The following PRIM2 variants were observed in gnomAD, a reference collection of about 807,000 sequenced individuals.
PRIM2 encodes the protein DNA primase subunit 2.
A neutral mutation model predicts 67.3 loss-of-function variants in PRIM2; 39 were observed. That is an observed-to-expected ratio of 0.58 (90% CI 0.45 to 0.76). PRIM2 has a LOEUF of 0.76. Among genes scored for constraint, PRIM2 ranks in the 30% least tolerant of loss-of-function variants. The probability of loss-of-function intolerance (pLI) is 0.00; values close to 1 mark genes in which losing one functional copy is unlikely to be tolerated. For missense variants in PRIM2, 398 were observed against 598.7 expected, an observed-to-expected ratio of 0.66 and a Z score of 3.50; for synonymous variants, 143 against 198.7, an observed-to-expected ratio of 0.72 and a Z score of 2.36.
At chr6:57,569,351 T>C (rs1775817884) in intron 10 of PRIM2, among the ~76,000 whole-genome samples, 2 of 152,204 alleles carry the variant, frequency 1.3e-5, no homozygotes, top group African/African-American at 4.8e-5. Flanking sequence ...TGAAAGGAAG[T>C]AAATGAGCCC....
chr6:57,490,096 C>T (rs1773854601), intron 7 of PRIM2, among the ~76,000 whole-genome samples: 1 of 152,074 alleles, frequency 6.6e-6, no homozygotes, highest in Non-Finnish European at 1.5e-5. Context: ...AGGTACAAGC[C>T]AACCAGCTGC....
At chr6:57,303,153 T>C in the PRIM2 span, among the ~76,000 whole-genome samples, 1 of 152,296 alleles carries the variant, frequency 6.6e-6, no homozygotes, top group South Asian at 2.1e-4. Context: ...AAAAGCCAAA[T>C]ACATTTACAT....
chr6:57,226,935 C>G, the PRIM2 span, among the ~76,000 whole-genome samples: 6 of 152,110 alleles, frequency 3.9e-5, no homozygotes, highest in African/African-American at 7.2e-5. Context: ...CAGTGTGAGT[C>G]GGGGAATAAT....
chr6:57,350,023 T>C (rs1768810555), intron 5 of PRIM2, among the ~76,000 whole-genome samples: 1 of 152,192 alleles, frequency 6.6e-6, no homozygotes, highest in East Asian at 1.9e-4. Flanking sequence ...CTTGGACCCC[T>C]TCATATACAG....
At chr6:57,483,983 G>A (rs1773687346) in intron 7 of PRIM2, among the ~76,000 whole-genome samples, 2 of 152,136 alleles carry the variant, frequency 1.3e-5, no homozygotes, top group African/African-American at 4.8e-5. Context: ...CCTGAGTTTG[G>A]TCCTAAAATG....
At chr6:57,581,110 C>A (rs2127485028) in intron 10 of PRIM2, among the ~76,000 whole-genome samples, 1 of 152,218 alleles carries the variant, frequency 6.6e-6, no homozygotes, top group East Asian at 1.9e-4. Flanking sequence ...GAAAAGGCAG[C>A]TTCTCTCTAG....
chr6:57,302,572 A>G, the PRIM2 span, among the ~76,000 whole-genome samples: 1 of 152,244 alleles, frequency 6.6e-6, no homozygotes, highest in Non-Finnish European at 1.5e-5. Context: ...TCTCAAAGGC[A>G]TAACTACTAA....
intron 7 of PRIM2, among the ~76,000 whole-genome samples, chr6:57,422,926 G>T (rs2127373125): frequency 6.6e-6 from 1 of 152,256 alleles, no homozygotes; most frequent in African/African-American, 2.4e-5. Flanking sequence ...TTAAATAATG[G>T]AGGTAAAAGA....
chr6:57,369,170 A>T (rs1769464609), intron 5 of PRIM2, among the ~76,000 whole-genome samples: 2 of 152,142 alleles, frequency 1.3e-5, no homozygotes, highest in South Asian at 4.1e-4. Flanking sequence ...ACAGACATCC[A>T]CTACCCTTCT....
intron 7 of PRIM2, among the ~76,000 whole-genome samples, chr6:57,460,994 CTCTCA>C (rs1200589002): frequency 6.6e-6 from 1 of 152,190 alleles, no homozygotes; most frequent in African/African-American, 2.4e-5. Context: ...AACTAGAAGT[CTCTCA>C]TCTCATCTCA....
intron 7 of PRIM2, among the ~76,000 whole-genome samples, chr6:57,459,784 G>T (rs1265574823): frequency 6.6e-6 from 1 of 152,084 alleles, no homozygotes; most frequent in Non-Finnish European, 1.5e-5. Context: ...TGTTATCCAG[G>T]GTACTTTCCC....
At chr6:57,337,456 G>A (rs1365167264) in intron 5 of PRIM2, among the ~76,000 whole-genome samples, 2 of 151,172 alleles carry the variant, frequency 1.3e-5, no homozygotes, top group African/African-American at 4.9e-5. Context: ...CCACATACTT[G>A]GAAGTAAAGC....
intron 8 of PRIM2, among the ~76,000 whole-genome samples, chr6:57,513,654 G>A (rs1320050484): frequency 6.6e-6 from 1 of 152,204 alleles, no homozygotes; most frequent in African/African-American, 2.4e-5. Context: ...AGCACTTTGG[G>A]AGGCTGAGGC....
chr6:57,296,569 ATGGTGGTGGTAGCGGGGTTTGG>A, the PRIM2 span, among the ~76,000 whole-genome samples: 2 of 151,810 alleles, frequency 1.3e-5, no homozygotes, highest in Admixed American at 6.6e-5. Context: ...TGGTGTGATG[ATGGTGGTGGTAGCGGGGTTTGG>A]TGGTGGTGGT....
At chr6:57,609,484 A>G (rs1725067280) in intron 12 of PRIM2, among the ~76,000 whole-genome samples, 3 of 152,204 alleles carry the variant, frequency 2.0e-5, no homozygotes, top group African/African-American at 7.2e-5. Context: ...AATTAGAGGC[A>G]TTTTTTAGCA....
chr6:57,419,026 G>C (rs2127370267), intron 7 of PRIM2, among the ~76,000 whole-genome samples: 1 of 152,280 alleles, frequency 6.6e-6, no homozygotes, highest in South Asian at 2.1e-4. Context: ...TTATTGAGTT[G>C]TTCAGAGAAT....
chr6:57,326,622 A>G (rs144861025), intron 5 of PRIM2, among the ~76,000 whole-genome samples: 1 of 152,098 alleles, frequency 6.6e-6, no homozygotes, highest in Non-Finnish European at 1.5e-5. Context: ...TCAGGAGGCT[A>G]AGGCATGAAA....
intron 10 of PRIM2, among the ~76,000 whole-genome samples, chr6:57,560,070 A>G (rs1775597611): frequency 6.6e-6 from 1 of 152,142 alleles, no homozygotes; most frequent in Non-Finnish European, 1.5e-5. Context: ...GTTTGATAGC[A>G]TTTTACCTGT....
At chr6:57,578,925 C>G (rs1466436001) in intron 10 of PRIM2, among the ~76,000 whole-genome samples, 8 of 151,916 alleles carry the variant, frequency 5.3e-5, no homozygotes, top group Non-Finnish European at 8.8e-5. Context: ...ATCCGCCCGC[C>G]TCGGCCTCCC....
Sources: allele counts gnomAD v4.1 joint callset (sites outside exome capture counted in the v4.1 genomes callset), GRCh38; gene constraint gnomAD v4.1.1; transcripts MANE v1.5; gene names NCBI Gene and HGNC (gene_info 2026-07-23, HGNC 2026-07-21).